Variants in DNAJC13 observed in about 807,000 individuals in gnomAD.
The protein encoded by DNAJC13 is DnaJ heat shock protein family (Hsp40) member C13.
In DNAJC13, 75 loss-of-function variants were observed where a neutral mutation model predicts 290.5. That is an observed-to-expected ratio of 0.26 (90% CI 0.21 to 0.31). DNAJC13 has a LOEUF of 0.31. Among genes scored for constraint, DNAJC13 ranks in the 10% least tolerant of loss-of-function variants. The probability of loss-of-function intolerance (pLI) is 1.00; values close to 1 mark genes in which losing one functional copy is unlikely to be tolerated. For missense variants in DNAJC13, 2,260 were observed against 2,674.5 expected (o/e 0.85, Z 3.42); for synonymous variants, 862 against 892.0 (o/e 0.97, Z 0.60).
At chr3:132,434,417 T>G in intron 1 of DNAJC13, 121 bp from the exon 2 acceptor site, 1 of 609,718 alleles carries the variant, frequency 1.6e-6, no homozygotes, top group Non-Finnish European at 2.8e-6. Context: ...TATGGTCTTG[T>G]AAAGGATATA....
In DNAJC13 at chr3:132,462,408, A is replaced by C. The variant is rs928527068; in HGVS notation, c.1714-59A>C. The stretch of plus-strand genomic sequence containing the variant: ...ATACCCTTCTTAAGAGTAACAGCTA[A>C]ATGTGTTGGAATAAAATTCTTTTTT... On this transcript the variant is annotated intron_variant, in intron 15 of 55. Coordinates refer to ENST00000260818, the MANE Select transcript of DNAJC13 (RefSeq NM_015268.4). The C allele has an allele frequency of 9.9e-6, 15 of 1,515,700 alleles. No individual in the cohort carries two copies. The African/African-American group carries it at 2.1e-4, about 21-fold the overall frequency. 93.9% of individuals were successfully genotyped at this position (1,515,700 alleles called of 1,614,324 possible).
chr3:132,475,135 C>T, intron 22 of DNAJC13, 50 bp downstream of exon 22: 1 of 1,388,806 alleles, frequency 7.2e-7, no homozygotes, highest in African/African-American at 1.5e-5. Flanking sequence ...AAAGCATGTA[C>T]TATTTGGGGA....
intron 5 of DNAJC13, among the ~76,000 whole-genome samples, chr3:132,449,019 C>A (rs1933340760): frequency 6.6e-6 from 1 of 152,164 alleles, no homozygotes; most frequent in African/African-American, 2.4e-5. Flanking sequence ...CAGTTAACTT[C>A]AGCCATTTAA....
intron 43 of DNAJC13, among the ~76,000 whole-genome samples, chr3:132,509,110 A>T (rs903439240): frequency 6.6e-6 from 1 of 152,250 alleles, no homozygotes; most frequent in African/African-American, 2.4e-5. Context: ...ATAGATAGTG[A>T]TTCCTCTAAT....
At chr3:132,537,864 G>A (rs1277832993) in intron 55 of DNAJC13, among the ~76,000 whole-genome samples, 5 of 152,148 alleles carry the variant, frequency 3.3e-5, no homozygotes, top group Non-Finnish European at 7.3e-5. Context: ...ATTCGACATA[G>A]TTCTTTTCAG....
intron 2 of DNAJC13, among the ~76,000 whole-genome samples, chr3:132,445,281 T>G (rs1933207008): frequency 1.3e-5 from 2 of 152,092 alleles, no homozygotes; most frequent in African/African-American, 4.8e-5. Context: ...AAAATACAAC[T>G]AGATATTTCA....
Position 132,457,252 on chromosome 3 carries a change from G to GT in DNAJC13, c.1350-11dup, listed in dbSNP as rs766542909. The GT allele has an allele frequency of 1.9e-6, 3 of 1,585,842 alleles. No homozygotes were observed. Among genetic ancestry groups the GT allele is most frequent in the South Asian group, 1.2e-5 (1 of 86,944 alleles). The stretch of plus-strand genomic sequence containing the variant: ...GTTCTGGTATTGCTAGTATATGCTT[G>GT]TTTTTTGTTCCAAAAGGTTTCGCGA... On this transcript the variant is annotated splice_polypyrimidine_tract_variant and intron_variant, in intron 12 of 55. Coordinates refer to ENST00000260818, the MANE Select transcript of DNAJC13 (RefSeq NM_015268.4).
intron 1 of DNAJC13, among the ~76,000 whole-genome samples, chr3:132,429,148 A>G (rs1040321880): frequency 1.3e-5 from 2 of 152,244 alleles, no homozygotes; most frequent in African/African-American, 4.8e-5. Context: ...TATGTTGAAT[A>G]TGGTAATTTG....
At chr3:132,501,837 A>G (rs1935427480) in intron 39 of DNAJC13, among the ~76,000 whole-genome samples, 1 of 152,206 alleles carries the variant, frequency 6.6e-6, no homozygotes, top group African/African-American at 2.4e-5. Flanking sequence ...AAGTGAGGGA[A>G]TTGATGAAAA....
chr3:132,460,967 C>A, intron 14 of DNAJC13, 83 bp from the exon 15 acceptor site: 2 of 1,310,184 alleles, frequency 1.5e-6, no homozygotes, highest in Non-Finnish European at 2.1e-6. Context: ...TATAGAATAA[C>A]AGAAAGGAAC....
chr3:132,505,624 T>C (rs1303911538), intron 42 of DNAJC13, among the ~76,000 whole-genome samples: 3 of 152,348 alleles, frequency 2.0e-5, no homozygotes, highest in Non-Finnish European at 2.9e-5. Context: ...TTACCACTTA[T>C]ATACAGCTGT....
chr3:132,492,354 T>C, intron 32 of DNAJC13, 60 bp from the exon 33 acceptor site: 1 of 1,538,066 alleles, frequency 6.5e-7, no homozygotes, highest in Non-Finnish European at 9.0e-7. Flanking sequence ...ATTATGTATC[T>C]CAACCTTCTC....
intron 22 of DNAJC13, among the ~76,000 whole-genome samples, chr3:132,477,562 T>A (rs896505273): frequency 2.0e-5 from 3 of 152,212 alleles, no homozygotes; most frequent in Admixed American, 1.3e-4. Flanking sequence ...CCTCCTTTTT[T>A]AATTGACACC....
At chr3:132,474,573 G>A (rs1934399176) in intron 21 of DNAJC13, among the ~76,000 whole-genome samples, 1 of 151,516 alleles carries the variant, frequency 6.6e-6, no homozygotes, top group South Asian at 2.1e-4. Context: ...ATTTGTATTA[G>A]CAATAAACAT....
intron 13 of DNAJC13, chr3:132,458,066 A>G (rs1021989125): frequency 6.6e-6 from 1 of 152,168 alleles, no homozygotes; most frequent in African/African-American, 2.4e-5. Context: ...ATAGAAGTAA[A>G]ATTAGAGGCA....
At chr3:132,516,925 G>A in intron 48 of DNAJC13, 109 bp downstream of exon 48, 1 of 943,386 alleles carries the variant, frequency 1.1e-6, no homozygotes, top group East Asian at 2.7e-5. Context: ...ATAAGGAAAT[G>A]AGGTGATGTG....
At position 132,493,358 on chromosome 3, in the gene DNAJC13, G is replaced by C. The variant is rs144567033; in HGVS notation, c.3825+743G>C. Reference sequence around the variant, plus strand: ...ATTGCCATTTATACTGCAAGTCACTGCCTCTTTACAATGCAGTGACCAAAA... The same window carrying C: ...ATTGCCATTTATACTGCAAGTCACTCCCTCTTTACAATGCAGTGACCAAAA... On this transcript the variant is annotated intron_variant, in intron 33 of 55. Coordinates refer to ENST00000260818, the MANE Select transcript of DNAJC13 (RefSeq NM_015268.4). Among the ~76,000 whole-genome samples, 3 of 151,868 alleles carry C rather than the reference G, an allele frequency of 2.0e-5. No homozygotes were observed. The East Asian group carries it at 5.8e-4, about 29-fold the overall frequency.
At chr3:132,501,055 C>T in intron 39 of DNAJC13, 142 bp downstream of exon 39, 1 of 1,113,724 alleles carries the variant, frequency 9.0e-7, no homozygotes. Context: ...GCATTTTTCA[C>T]AGAAGCCTTG....
rs778698729 is a variant in DNAJC13 at position 132,523,149 on chromosome 3, T to C, written c.5844-8T>C. On this transcript the variant is annotated splice_polypyrimidine_tract_variant and splice_region_variant and intron_variant, in intron 49 of 55. Coordinates refer to ENST00000260818, the MANE Select transcript of DNAJC13 (RefSeq NM_015268.4). ...GAAGTTTGGTATCCATCCCTTTTTT[T>C]CCCCAAGGCACTTTAAAAATCAGCA... 6.8e-6 allele frequency: 11 copies of C among 1,613,748 alleles called. No homozygotes were observed. The highest frequency in any genetic ancestry group is 1.1e-5 in the South Asian group (1 of 91,034).
Sources: gnomAD v4.1 joint callset for allele counts (sites outside exome capture counted in the v4.1 genomes callset) on GRCh38, gnomAD v4.1.1 for gene constraint, MANE v1.5 for transcripts, NCBI Gene and HGNC (gene_info 2026-07-23, HGNC 2026-07-21) for gene names.